SEMA3C: variants seen among roughly 807,000 people sequenced by gnomAD.
SEMA3C encodes semaphorin 3C.
In SEMA3C, 47 loss-of-function variants were observed where a neutral mutation model predicts 89.4. The observed-to-expected ratio is 0.53, with a 90% CI of 0.42 to 0.67. The LOEUF (loss-of-function observed/expected upper bound fraction) is 0.67, where lower values mean the gene tolerates loss of function less well. Among genes scored for constraint, SEMA3C ranks in the 30% least tolerant of loss-of-function variants. The pLI is 0.00. For missense variants in SEMA3C, 839 were observed against 929.1 expected (o/e 0.90, Z 1.26); for synonymous variants, 310 against 320.2 (o/e 0.97, Z 0.34).
At chr7:80,785,661 C>T (rs1788784818) in intron 12 of SEMA3C, among the ~76,000 whole-genome samples, 1 of 152,162 alleles carries the variant, frequency 6.6e-6, no homozygotes, top group Non-Finnish European at 1.5e-5. Flanking sequence ...CTCTTGTTGC[C>T]CAGGCTGGAG....
intron 17 of SEMA3C, among the ~76,000 whole-genome samples, chr7:80,746,884 A>T (rs761953691): frequency 3.3e-5 from 5 of 152,090 alleles, no homozygotes; most frequent in Non-Finnish European, 5.9e-5. Flanking sequence ...AAAAGTGAGA[A>T]TAAGTATTGA....
At chr7:80,830,287 CAAT>C (rs951167771) in intron 2 of SEMA3C, among the ~76,000 whole-genome samples, 7 of 152,098 alleles carry the variant, frequency 4.6e-5, no homozygotes, top group Admixed American at 1.3e-4. Flanking sequence ...TAAAATGCAA[CAAT>C]AATAGTAACT....
rs565107270 is a variant in SEMA3C, at chr7:80,857,187, T to C, written c.104-28442A>G. Among the ~76,000 whole-genome samples the C allele has an allele frequency of 2.6e-4, 39 of 152,292 alleles. No individual in the cohort carries two copies. The South Asian group carries it at 7.0e-3, about 28-fold the overall frequency. On this transcript the variant is annotated intron_variant, in intron 2 of 17. Transcript: ENST00000265361. ...TTATTTGCCTTGTTATATGTGTATA[T>C]GTGTTCCTTAACAGGGTCAAATTCA...
At chr7:80,751,916 C>T (rs1787944959) in intron 15 of SEMA3C, among the ~76,000 whole-genome samples, 1 of 152,140 alleles carries the variant, frequency 6.6e-6, no homozygotes, top group Non-Finnish European at 1.5e-5. Context: ...TTCAAGTCTA[C>T]AGAAAAGTAC....
intron 4 of SEMA3C, among the ~76,000 whole-genome samples, chr7:80,821,250 T>C (rs1025645983): frequency 2.0e-5 from 3 of 152,254 alleles, no homozygotes; most frequent in African/African-American, 7.2e-5. Flanking sequence ...GTTTTTACCA[T>C]AACTCAGTCC....
At chr7:80,891,043 T>A (rs978084372) in intron 2 of SEMA3C, among the ~76,000 whole-genome samples, 1 of 152,176 alleles carries the variant, frequency 6.6e-6, no homozygotes, top group African/African-American at 2.4e-5. Flanking sequence ...CCTCTGTACT[T>A]TTCTCTGTTT....
At chr7:80,775,893 T>A (rs1415888416) in intron 12 of SEMA3C, among the ~76,000 whole-genome samples, 7 of 152,062 alleles carry the variant, frequency 4.6e-5, no homozygotes, top group Admixed American at 2.6e-4. Context: ...TTAAAAAAAA[T>A]TATTTTCTAG....
At chr7:80,801,032 T>G (rs1175139853) in intron 9 of SEMA3C, among the ~76,000 whole-genome samples, 2 of 152,050 alleles carry the variant, frequency 1.3e-5, no homozygotes, top group Non-Finnish European at 2.9e-5. Flanking sequence ...TATGAAAATT[T>G]TGTATCCTTG....
intron 2 of SEMA3C, among the ~76,000 whole-genome samples, chr7:80,829,044 T>G (rs1789948668): frequency 6.6e-6 from 1 of 151,956 alleles, no homozygotes; most frequent in Admixed American, 6.6e-5. Context: ...GTATGTGTCT[T>G]TAGTCCCAGA....
chr7:80,824,517 G>A (rs1202633652), intron 4 of SEMA3C, among the ~76,000 whole-genome samples: 1 of 151,950 alleles, frequency 6.6e-6, no homozygotes, highest in Non-Finnish European at 1.5e-5. Flanking sequence ...GAGAGAGAGG[G>A]TACAACTTTT....
intron 16 of SEMA3C, among the ~76,000 whole-genome samples, chr7:80,749,468 T>C (rs1787876534): frequency 6.6e-6 from 1 of 152,106 alleles, no homozygotes; most frequent in African/African-American, 2.4e-5. Flanking sequence ...AAGTCCATAC[T>C]CAATGTTATA....
chr7:80,900,204 C>A (rs1192092919), intron 2 of SEMA3C, among the ~76,000 whole-genome samples: 4 of 152,026 alleles, frequency 2.6e-5, no homozygotes, highest in Admixed American at 2.6e-4. Flanking sequence ...AGCTCCACCT[C>A]CCGGGTTCAC....
At chr7:80,838,239 T>G (rs1790180119) in intron 2 of SEMA3C, among the ~76,000 whole-genome samples, 1 of 152,084 alleles carries the variant, frequency 6.6e-6, no homozygotes, top group African/African-American at 2.4e-5. Flanking sequence ...GGTACAGGGT[T>G]TACCCCAACA....
rs117286051 is a variant in SEMA3C, at chr7:80,752,757, C to T, written c.1644-1421G>A. On this transcript the variant is annotated intron_variant, in intron 15 of 17. Coordinates refer to ENST00000265361, the MANE Select transcript of SEMA3C (RefSeq NM_006379.5). ...AGTGGTATTATGTAGTCTAAGAAGT[C>T]GACGTAGAGCAGCTGCAATCCTCTG... Among the ~76,000 whole-genome samples, 21 of 152,098 alleles carry T rather than the reference C, an allele frequency of 1.4e-4. 1 individual carries two copies. The East Asian group carries it at 4.1e-3, about 29-fold the overall frequency.
intron 4 of SEMA3C, among the ~76,000 whole-genome samples, chr7:80,824,480 G>A (rs1789826181): frequency 6.6e-6 from 1 of 152,110 alleles, no homozygotes; most frequent in Admixed American, 6.6e-5. Context: ...AGAATCAATT[G>A]CATGCAGCAC....
chr7:80,789,964 T>C (rs1309077419), intron 11 of SEMA3C, among the ~76,000 whole-genome samples: 2 of 152,174 alleles, frequency 1.3e-5, no homozygotes, highest in African/African-American at 4.8e-5. Context: ...TTATTTCATC[T>C]GATCTGCCCT....
At chr7:80,811,035 G>T (rs1789456305) in intron 5 of SEMA3C, among the ~76,000 whole-genome samples, 1 of 152,210 alleles carries the variant, frequency 6.6e-6, no homozygotes, top group Non-Finnish European at 1.5e-5. Flanking sequence ...TCAGCCAAAA[G>T]AAGAAAACTG....
In SEMA3C at chr7:80,918,840, A is replaced by G; in HGVS notation, c.-51T>C. 1 of 985,494 alleles carries G rather than the reference A, an allele frequency of 1.0e-6. No individual in the cohort carries two copies. 61.0% of individuals were successfully genotyped at this position (985,494 alleles called of 1,614,324 possible). ...CAATTTAGCTTACCGAGGTTGAAAG[A>G]AATCAGCACGGAAAAGTCATCAGTT... On this transcript the variant is annotated 5_prime_UTR_variant, in exon 1 of 18. Transcript: ENST00000265361.
At chr7:80,805,208 G>GC (rs1445356612) in intron 7 of SEMA3C, among the ~76,000 whole-genome samples, 2 of 151,898 alleles carry the variant, frequency 1.3e-5, no homozygotes, top group Non-Finnish European at 2.9e-5. Context: ...AAGAGAGGAG[G>GC]CCCCGGCTAT....
Sources: gnomAD v4.1 joint callset for allele counts (sites outside exome capture counted in the v4.1 genomes callset) on GRCh38, gnomAD v4.1.1 for gene constraint, MANE v1.5 for transcripts, NCBI Gene and HGNC (gene_info 2026-07-23, HGNC 2026-07-21) for gene names.